MMEL1: variants seen among roughly 807,000 people sequenced by gnomAD.
MMEL1 encodes membrane metallo-endopeptidase-like 1.
In MMEL1, 98 loss-of-function variants were observed where a neutral mutation model predicts 117.1. The observed-to-expected ratio is 0.84, with a 90% confidence interval of 0.71 to 0.99. The LOEUF (loss-of-function observed/expected upper bound fraction) is 0.99, where lower values mean the gene tolerates loss of function less well. MMEL1 is among the 50% of genes least tolerant of loss of function. The pLI, the probability that MMEL1 is intolerant of heterozygous loss-of-function variation, is 0.00. For synonymous variants in MMEL1, 390 were observed against 415.1 expected, an observed-to-expected ratio of 0.94 and a Z score of 0.74; for missense variants, 1,014 against 1,049.1, an observed-to-expected ratio of 0.97 and a Z score of 0.46.
chr1:2,626,738 A>G (rs2100966704), intron 2 of MMEL1, among the ~76,000 whole-genome samples: 1 of 152,382 alleles, frequency 6.6e-6, no homozygotes, highest in South Asian at 2.1e-4. Context: ...AACTTTAAAA[A>G]TAATTAAAAC....
intron 18 of MMEL1, 164 bp downstream of exon 18, chr1:2,594,221 G>A (rs3748818): frequency 0.36 from 313,761 of 862,156 alleles, 60,429 homozygotes; most frequent in African/African-American, 0.52. Flanking sequence ...TCATGGGCAC[G>A]GGAGTGAGTG....
chr1:2,598,404 T>A (rs1644880697), intron 12 of MMEL1, 104 bp from the exon 13 acceptor site: 1 of 1,286,876 alleles, frequency 7.8e-7, no homozygotes, highest in Non-Finnish European at 1.1e-6. Flanking sequence ...CCCCAGAGAG[T>A]TATGGGTGCT....
chr1:2,610,498 G>A (rs1328436632), intron 4 of MMEL1, among the ~76,000 whole-genome samples: 7 of 152,308 alleles, frequency 4.6e-5, no homozygotes, highest in East Asian at 1.9e-4. Flanking sequence ...CCTGTAAGCC[G>A]GGCCCAGCTC....
chr1:2,597,059 C>T (rs1390870484), intron 13 of MMEL1, among the ~76,000 whole-genome samples: 2 of 152,042 alleles, frequency 1.3e-5, no homozygotes, highest in Non-Finnish European at 2.9e-5. Context: ...GGACCACGTC[C>T]CTCTCAGCCA....
At chr1:2,611,602 C>G (rs1418745811) in intron 3 of MMEL1, among the ~76,000 whole-genome samples, 2 of 152,182 alleles carry the variant, frequency 1.3e-5, no homozygotes, top group Non-Finnish European at 2.9e-5. Context: ...CCTGGCAGCC[C>G]AAGTCCTCCC....
intron 2 of MMEL1, among the ~76,000 whole-genome samples, chr1:2,623,240 G>A (rs1038532410): frequency 2.0e-5 from 3 of 151,830 alleles, no homozygotes; most frequent in Non-Finnish European, 2.9e-5. Flanking sequence ...GAGTTAAACT[G>A]TTCTAAATGC....
intron 1 of MMEL1, among the ~76,000 whole-genome samples, chr1:2,632,281 C>G (rs1638627763): frequency 6.6e-6 from 1 of 152,220 alleles, no homozygotes; most frequent in African/African-American, 2.4e-5. Flanking sequence ...CTGGGAACGT[C>G]AGCTCCACGG....
chr1:2,629,356 C>T lies in MMEL1; in HGVS notation c.129G>A (p.Leu43=). The part of the protein sequence containing the change: ...LLLVTAALVA[L]GVLYADRRGK... Reference sequence around the variant, plus strand: ...CTCTGCGGTCGGCGTAGAGGACACCCAAGGCCACCAGGGCAGCGGTCACCA... The same window carrying T: ...CTCTGCGGTCGGCGTAGAGGACACCTAAGGCCACCAGGGCAGCGGTCACCA... The change falls in exon 2 of 24, where the codon TTG becomes TTA. Residue 43 remains leucine (L), a synonymous_variant. Coordinates refer to ENST00000378412, the MANE Select transcript of MMEL1 (RefSeq NM_033467.4). The T allele has an allele frequency of 6.5e-7, 1 of 1,542,994 alleles. No homozygotes were observed. Among genetic ancestry groups the T allele is most frequent in the Non-Finnish European group, 8.7e-7 (1 of 1,145,926 alleles).
chr1:2,612,055 C>A lies in MMEL1; in HGVS notation c.232+72G>T. ...GCAGAACCCAGCCCCTGCCCCTCCA[C>A]GGAGTCCCCCCACCTTGGGAGGCCA... On this transcript the variant is annotated intron_variant, in intron 3 of 23. Coordinates refer to ENST00000378412, the MANE Select transcript of MMEL1 (RefSeq NM_033467.4). This position sits in a 1 kb window ranked among gnomAD's most constrained non-coding sequence, Gnocchi z 5.4. The A allele has an allele frequency of 7.5e-7, 1 of 1,329,566 alleles. No homozygotes were observed. The highest frequency in any genetic ancestry group is 1.1e-6 in the Non-Finnish European group (1 of 945,128). 82.4% of individuals were successfully genotyped at this position (1,329,566 alleles called of 1,614,324 possible). A position where few individuals can be genotyped will look rare whatever the true frequency, so the allele number is the denominator to read the frequency against.
chr1:2,602,303 T>C (rs1316953304), intron 11 of MMEL1, among the ~76,000 whole-genome samples: 1 of 152,046 alleles, frequency 6.6e-6, no homozygotes, highest in Non-Finnish European at 1.5e-5. Flanking sequence ...TGTGGATGTG[T>C]TCACTCTGGG....
In MMEL1 at chr1:2,629,348, A is replaced by C. The variant is rs910699681; in HGVS notation, c.137T>G (p.Leu46Arg). 1 of 1,541,704 alleles carries C rather than the reference A, an allele frequency of 6.5e-7. No individual in the cohort carries two copies. The highest frequency in any genetic ancestry group is 8.7e-7 in the Non-Finnish European group (1 of 1,145,708). ...GCACTCACCTCTGCGGTCGGCGTAG[A>C]GGACACCCAAGGCCACCAGGGCAGC... The part of the protein sequence containing the change: ...VTAALVALGV[L>R]YADRRGKQLP... Residue 46 changes from leucine to arginine, a missense_variant, in exon 2 of 24, where the codon CTC becomes CGC. By Grantham distance (102) the Leu-to-Arg change is moderately radical. Coordinates refer to ENST00000378412, the MANE Select transcript of MMEL1 (RefSeq NM_033467.4).
chr1:2,606,350 C>G lies in MMEL1; in HGVS notation c.648G>C (p.Leu216=). 6.2e-7 allele frequency: 1 copy of G among 1,612,078 alleles called. No individual in the cohort carries two copies. The highest frequency in any genetic ancestry group is 1.1e-5 in the South Asian group (1 of 91,080). The change falls in exon 8 of 24, where the codon CTG becomes CTC. Residue 216 remains leucine (L), a synonymous_variant. Coordinates refer to ENST00000378412, the MANE Select transcript of MMEL1 (RefSeq NM_033467.4). ...AGTTCATCAGCGCCAGCTGCCGCTC[C>G]AGCTCCCACTCGAGTCCTGGGGAGA... ...WNETVGLEWE[L]ERQLALMNSQ...
chr1:2,611,368 G>C (rs747545854), intron 3 of MMEL1, 28 bp from the exon 4 acceptor site: 23 of 1,485,070 alleles, frequency 1.5e-5, no homozygotes, highest in African/African-American at 8.7e-5. Context: ...CCTGAGCACC[G>C]GGAGCCACGG....
At chr1:2,611,236 C>T in intron 4 of MMEL1, 45 bp downstream of exon 4, 2 of 1,541,862 alleles carry the variant, frequency 1.3e-6, no homozygotes, top group South Asian at 2.4e-5. Context: ...GCCGGGAGCC[C>T]CCAGCCCTTG....
intron 6 of MMEL1, among the ~76,000 whole-genome samples, chr1:2,608,324 A>G (rs1645062609): frequency 6.6e-6 from 1 of 152,052 alleles, no homozygotes; most frequent in South Asian, 2.1e-4. Flanking sequence ...GGGCCTGCAG[A>G]CCCCCAAGTG....
At chr1:2,631,534 T>A (rs1028563987) in intron 1 of MMEL1, among the ~76,000 whole-genome samples, 1 of 152,098 alleles carries the variant, frequency 6.6e-6, no homozygotes, top group Non-Finnish European at 1.5e-5. Flanking sequence ...CAGAGATCCC[T>A]GACCTCTGGC....
At position 2,612,322 on chromosome 1, in the gene MMEL1, C is replaced by T. The variant is rs1645143896; in HGVS notation, c.155-118G>A. Reference sequence around the variant, plus strand: ...CAGTGCTGGGTGCTGCAGCCCTACCCCTGTAGTGAGGGCTGGTCCCCAGGG... The same window carrying T: ...CAGTGCTGGGTGCTGCAGCCCTACCTCTGTAGTGAGGGCTGGTCCCCAGGG... On this transcript the variant is annotated intron_variant, in intron 2 of 23. Transcript: ENST00000378412. This position sits in a 1 kb window ranked among gnomAD's most constrained non-coding sequence, Gnocchi z 5.4. The T allele has an allele frequency of 2.5e-6, 2 of 800,858 alleles. No individual in the cohort carries two copies. Among genetic ancestry groups the T allele is most frequent in the Non-Finnish European group, 4.0e-6 (2 of 494,228 alleles). 49.6% of individuals were successfully genotyped at this position (800,858 alleles called of 1,614,324 possible).
At chr1:2,608,484 C>CACACACATAACATGTAT (rs1645065961) in intron 6 of MMEL1, among the ~76,000 whole-genome samples, 1 of 151,202 alleles carries the variant, frequency 6.6e-6, no homozygotes, top group East Asian at 1.9e-4. Context: ...ACACATACAG[C>CACACACATAACATGTAT]ACACACATAA....
chr1:2,629,763 C>T (rs761415691), intron 1 of MMEL1: 2 of 379,248 alleles, frequency 5.3e-6, no homozygotes, highest in Non-Finnish European at 9.4e-6. Flanking sequence ...AGCTTGGGGT[C>T]GCAAGCTGGA....
Sources: allele counts gnomAD v4.1 joint callset (sites outside exome capture counted in the v4.1 genomes callset), GRCh38; gene constraint gnomAD v4.1.1; non-coding constraint Gnocchi (gnomAD v3.1); transcripts MANE v1.5; gene names NCBI Gene and HGNC (gene_info 2026-07-23, HGNC 2026-07-21).